The following PPHLN1 variants were observed in gnomAD, a reference collection of about 807,000 sequenced individuals.
PPHLN1 encodes periphilin 1.
PPHLN1 carries 29 observed loss-of-function variants against 51.3 expected under a neutral mutation model. The ratio of observed to expected loss-of-function variants is 0.57; its 90% CI spans 0.42 to 0.77. The LOEUF is 0.77. PPHLN1 is among the 30% of genes least tolerant of loss of function. The probability of loss-of-function intolerance (pLI) is 0.00; values close to 1 mark genes in which losing one functional copy is unlikely to be tolerated. For missense variants in PPHLN1, 436 were observed against 438.4 expected, an observed-to-expected ratio of 0.99 and a Z score of 0.05; for synonymous variants, 147 against 147.8, an observed-to-expected ratio of 0.99 and a Z score of 0.04.
intron 5 of PPHLN1, among the ~76,000 whole-genome samples, chr12:42,380,937 C>G (rs2076706234): frequency 6.6e-6 from 1 of 152,124 alleles, no homozygotes; most frequent in South Asian, 2.1e-4. Context: ...GAGACAGATT[C>G]AATCTCTGCC....
intron 9 of PPHLN1, among the ~76,000 whole-genome samples, chr12:42,411,270 C>G (rs1363303300): frequency 6.6e-6 from 1 of 151,682 alleles, no homozygotes; most frequent in Admixed American, 6.6e-5. Context: ...ATTTCAATAG[C>G]TTTTAGAGTA....
Position 42,398,920 on chromosome 12 carries a change from A to T in PPHLN1, c.835A>T (p.Ile279Leu). The stretch of plus-strand genomic sequence containing the variant: ...ACCTGAGTCAAACACAACACATGGG[A>T]TAGAATTATTTGAAGATAGTCAGCT... ...EEPESNTTHG[I>L]ELFEDSQLTT... is the part of the protein sequence containing the mutation. The change falls in exon 9 of 10, where the codon ATA becomes TTA. Residue 279 changes from isoleucine (I) to leucine (L), a missense_variant. Coordinates refer to ENST00000358314, the MANE Select transcript of PPHLN1 (RefSeq NM_201439.2). The T allele has an allele frequency of 1.2e-6, 2 of 1,614,144 alleles. No individual in the cohort carries two copies. The highest frequency in any genetic ancestry group is 2.2e-5 in the East Asian group (1 of 44,876).
chr12:42,432,142 G>A (rs940701636), intron 9 of PPHLN1: 9 of 1,094,474 alleles, frequency 8.2e-6, no homozygotes, highest in African/African-American at 3.0e-5. Flanking sequence ...CGCTGATGTC[G>A]GCTGTCTCGA....
In PPHLN1 at chr12:42,433,194, C is replaced by T. The variant is rs565976936; in HGVS notation, c.910-8121C>T. 1.3e-4 allele frequency: 100 copies of T among 764,234 alleles called. No individual in the cohort carries two copies. The African/African-American group carries it at 1.6e-3, about 12-fold the overall frequency. The allele number at this position is 764,234 out of a possible 1,614,324, so 47.3% of individuals were successfully genotyped here. Reference sequence around the variant, plus strand: ...TTTCATCATCCAAACTTTAGCCACCCACCATCCACATGGCTCTTGGTCATT... The same window carrying T: ...TTTCATCATCCAAACTTTAGCCACCTACCATCCACATGGCTCTTGGTCATT... On this transcript the variant is annotated intron_variant, in intron 9 of 9. Transcript: ENST00000358314.
intron 4 of PPHLN1, among the ~76,000 whole-genome samples, chr12:42,363,972 C>A (rs780254563): frequency 5.9e-5 from 9 of 152,128 alleles, no homozygotes; most frequent in Non-Finnish European, 1.3e-4. Flanking sequence ...ACCTGTAATC[C>A]CAGCATTTTG....
At chr12:42,444,821 G>T, downstream of PPHLN1, 1 of 528,624 alleles carries the variant, frequency 1.9e-6, no homozygotes, top group Non-Finnish European at 3.3e-6. Flanking sequence ...TTCCTACAAA[G>T]GTAGTTTCCT....
rs117909607 is a variant in PPHLN1 at position 42,436,704 on chromosome 12, C to T, written c.910-4611C>T. ...CTGTGTATACTCTGTTTTACCAATC[C>T]GACAACTGAGAGGGCTACTAAGTGA... On this transcript the variant is annotated intron_variant, in intron 9 of 9. Transcript: ENST00000358314. 2.1e-4 allele frequency among the ~76,000 whole-genome samples: 32 copies of T among 152,102 alleles called. No homozygotes were observed. In the East Asian group the frequency reaches 6.2e-3, roughly 29 times the overall value.
Position 42,441,426 on chromosome 12 carries a change from A to G in PPHLN1, c.1021A>G (p.Ile341Val). 3 of 1,614,106 alleles carry G rather than the reference A, an allele frequency of 1.9e-6. No homozygotes were observed. The highest frequency in any genetic ancestry group is 1.1e-5 in the South Asian group (1 of 91,080). The stretch of plus-strand genomic sequence containing the variant: ...TGCATTGAGGCAGAATTTACATGAA[A>G]TAGGTGAGCGGTGTGTTGAAGAACT... The part of the protein sequence containing the change: ...QFALRQNLHE[I>V]GERCVEELKH... Residue 341 changes from isoleucine to valine, a missense_variant, in exon 10 of 10, where the codon ATA becomes GTA. Transcript: ENST00000358314.
At chr12:42,401,844 G>C (rs1007739214) in intron 9 of PPHLN1, among the ~76,000 whole-genome samples, 1 of 150,328 alleles carries the variant, frequency 6.7e-6, no homozygotes, top group Non-Finnish European at 1.5e-5. Context: ...GGTGTTTTTT[G>C]TTGTTGTTTG....
intron 2 of PPHLN1, 150 bp from the exon 3 acceptor site, chr12:42,351,735 T>G (rs938833252): frequency 3.8e-6 from 2 of 522,340 alleles, no homozygotes; most frequent in Non-Finnish European, 6.1e-6. Flanking sequence ...GACCTTAGTA[T>G]TAGTTATATT....
At position 42,441,392 on chromosome 12, in the gene PPHLN1, T is replaced by A. The variant is rs765268774; in HGVS notation, c.987T>A (p.Ser329=). ...AAAAAGATCCTTCATTAGAAAAGTCTATACAGTTTGCATTGAGGCAGAATT... is the reference window on the plus strand; with the variant it reads ...AAAAAGATCCTTCATTAGAAAAGTCAATACAGTTTGCATTGAGGCAGAATT... The part of the protein sequence containing the change: ...LIEKDPSLEK[S]IQFALRQNLH... The change falls in exon 10 of 10, where the codon TCT becomes TCA. Residue 329 remains serine (S), a synonymous_variant. Transcript: ENST00000358314. The A allele has an allele frequency of 6.2e-7, 1 of 1,614,134 alleles. No homozygotes were observed. Among genetic ancestry groups the A allele is most frequent in the South Asian group, 1.1e-5 (1 of 91,078 alleles).
chr12:42,413,430 T>C (rs79528452), intron 9 of PPHLN1, among the ~76,000 whole-genome samples: 4,226 of 152,202 alleles, frequency 0.028, 216 homozygotes, highest in African/African-American at 0.097. Flanking sequence ...ATTGTAAGTA[T>C]TTGGCGTTAT....
At chr12:42,361,728 A>G (rs1449803040) in intron 4 of PPHLN1, 1 of 152,272 alleles carries the variant, frequency 6.6e-6, no homozygotes, top group Non-Finnish European at 1.5e-5. Context: ...ATTCATGAGC[A>G]TTAATTCTAT....
chr12:42,347,552 G>T (rs1375046964), intron 2 of PPHLN1, among the ~76,000 whole-genome samples: 1 of 152,222 alleles, frequency 6.6e-6, no homozygotes, highest in African/African-American at 2.4e-5. Flanking sequence ...GGCGTAGGCA[G>T]GTGGATTACC....
intron 9 of PPHLN1, among the ~76,000 whole-genome samples, chr12:42,407,989 C>T (rs1168062467): frequency 3.3e-5 from 5 of 152,086 alleles, no homozygotes; most frequent in African/African-American, 1.2e-4. Context: ...TCACCGGGGG[C>T]TATTTGGAGA....
chr12:42,341,779 G>A lies in PPHLN1; in HGVS notation c.72+5805G>A, dbSNP rs551334681. 1.2e-4 allele frequency among the ~76,000 whole-genome samples: 18 copies of A among 152,098 alleles called. No individual in the cohort carries two copies. The East Asian group carries it at 3.3e-3, about 28-fold the overall frequency. On this transcript the variant is annotated intron_variant, in intron 2 of 9. Coordinates refer to ENST00000358314, the MANE Select transcript of PPHLN1 (RefSeq NM_201439.2). ...TGGGACTATAGGCACCTGCCACCAC[G>A]CCCGGCTAATTTTTTGTATTTTTGG...
At chr12:42,373,559 C>T (rs1370568200) in intron 4 of PPHLN1, among the ~76,000 whole-genome samples, 1 of 152,186 alleles carries the variant, frequency 6.6e-6, no homozygotes, top group African/African-American at 2.4e-5. Context: ...TGTCTCTTAG[C>T]ACTCTTCTGT....
chr12:42,441,278 T>C (rs1317398985), intron 9 of PPHLN1, 37 bp from the exon 10 acceptor site: 1 of 1,552,436 alleles, frequency 6.4e-7, no homozygotes, highest in Non-Finnish European at 8.7e-7. Flanking sequence ...CTAGTTATTT[T>C]CATTCTCAGC....
intron 1 of PPHLN1, among the ~76,000 whole-genome samples, chr12:42,327,616 T>C (rs1046703426): frequency 8.5e-5 from 13 of 152,256 alleles, no homozygotes; most frequent in Admixed American, 5.9e-4. Flanking sequence ...GTATTTTTGC[T>C]ATGTACTCTT....
Sources: gnomAD v4.1 joint callset for allele counts (sites outside exome capture counted in the v4.1 genomes callset) on GRCh38, gnomAD v4.1.1 for gene constraint, MANE v1.5 for transcripts, NCBI Gene and HGNC (gene_info 2026-07-23, HGNC 2026-07-21) for gene names.